CABCOCO1: variants seen among roughly 807,000 people sequenced by gnomAD.
The protein encoded by CABCOCO1 is ciliary-associated calcium-binding coiled-coil protein 1.
In CABCOCO1, 28 loss-of-function variants were observed where a neutral mutation model predicts 35.7. That is an observed-to-expected ratio of 0.78 (90% CI 0.58 to 1.07). CABCOCO1 has a LOEUF of 1.07. CABCOCO1 is among the 50% of genes least tolerant of loss of function. CABCOCO1 has a pLI of 0.00. For synonymous variants in CABCOCO1, 95 were observed against 100.1 expected, an observed-to-expected ratio of 0.95 and a Z score of 0.30; for missense variants, 326 against 309.2, an observed-to-expected ratio of 1.05 and a Z score of -0.41.
At chr10:61,672,272 C>G (rs1839383615) in intron 1 of CABCOCO1, among the ~76,000 whole-genome samples, 1 of 152,168 alleles carries the variant, frequency 6.6e-6, no homozygotes, top group Admixed American at 6.5e-5. Context: ...TCAACCTAGG[C>G]TTGCTCCTCT....
intron 5 of CABCOCO1, among the ~76,000 whole-genome samples, chr10:61,734,924 A>T (rs1841382869): frequency 6.6e-6 from 1 of 152,132 alleles, no homozygotes; most frequent in South Asian, 2.1e-4. Flanking sequence ...TTAGATAAGA[A>T]ACATAACTGA....
At chr10:61,730,300 C>T (rs1042004733) in intron 5 of CABCOCO1, among the ~76,000 whole-genome samples, 2 of 151,972 alleles carry the variant, frequency 1.3e-5, no homozygotes, top group African/African-American at 4.8e-5. Context: ...GCCCAAAAGA[C>T]ACAGATCCAG....
intron 5 of CABCOCO1, among the ~76,000 whole-genome samples, chr10:61,693,833 A>G (rs1230842610): frequency 6.6e-6 from 1 of 151,986 alleles, no homozygotes; most frequent in African/African-American, 2.4e-5. Flanking sequence ...TATAGGGCAG[A>G]AGACATGGAA....
intron 5 of CABCOCO1, among the ~76,000 whole-genome samples, chr10:61,739,803 A>T (rs1315913252): frequency 1.3e-5 from 2 of 152,080 alleles, no homozygotes; most frequent in Non-Finnish European, 2.9e-5. Flanking sequence ...TTAGCCAGGC[A>T]TGGTGGCACG....
chr10:61,756,118 G>C (rs567748033), intron 5 of CABCOCO1, among the ~76,000 whole-genome samples: 1 of 151,864 alleles, frequency 6.6e-6, no homozygotes, highest in Non-Finnish European at 1.5e-5. Context: ...TCATACTGAC[G>C]AGTATTAAAT....
At position 61,726,402 on chromosome 10, in the gene CABCOCO1, C is replaced by T. The variant is rs1023787772; in HGVS notation, c.553-33657C>T. 3.3e-5 allele frequency among the ~76,000 whole-genome samples: 5 copies of T among 151,974 alleles called. No individual in the cohort carries two copies. The East Asian group carries it at 9.6e-4, about 29-fold the overall frequency. Reference sequence around the variant, plus strand: ...ACTATCTTATTTATTAAAATAAATACATATATAATATTAAGTGTCACAATA... The same window carrying T: ...ACTATCTTATTTATTAAAATAAATATATATATAATATTAAGTGTCACAATA... On this transcript the variant is annotated intron_variant, in intron 5 of 7. Coordinates refer to ENST00000648843, the MANE Select transcript of CABCOCO1 (RefSeq NM_001366906.2).
At chr10:61,731,433 A>T (rs1054948239) in intron 5 of CABCOCO1, among the ~76,000 whole-genome samples, 1 of 151,922 alleles carries the variant, frequency 6.6e-6, no homozygotes, top group Non-Finnish European at 1.5e-5. Flanking sequence ...TCACCTGAAG[A>T]TGAAACCCAC....
At position 61,760,985 on chromosome 10, in the gene CABCOCO1, C is replaced by T. The variant is rs1357342838; in HGVS notation, c.798C>T (p.Asp266=). 3.1e-6 allele frequency: 5 copies of T among 1,612,232 alleles called. No homozygotes were observed. Among genetic ancestry groups the T allele is most frequent in the Non-Finnish European group, 1.7e-6 (2 of 1,178,956 alleles). ...VKSVLDQVTD[D]ILIGIQTEIN... is the part of the protein sequence containing the mutation. ...CAGTGCTGGATCAAGTCACAGATGA[C>T]ATTTTAATCGGCATTCAGGTACTCA... Residue 266 remains aspartate (D), a synonymous_variant, in exon 7 of 8, where the codon GAC becomes GAT. Coordinates refer to ENST00000648843, the MANE Select transcript of CABCOCO1 (RefSeq NM_001366906.2).
At chr10:61,708,582 G>C (rs1840650225) in intron 5 of CABCOCO1, among the ~76,000 whole-genome samples, 1 of 152,072 alleles carries the variant, frequency 6.6e-6, no homozygotes, top group South Asian at 2.1e-4. Flanking sequence ...TTCTTACTGT[G>C]TCCTCACTTG....
intron 5 of CABCOCO1, among the ~76,000 whole-genome samples, chr10:61,724,302 G>A (rs760496172): frequency 5.3e-5 from 8 of 152,066 alleles, no homozygotes; most frequent in Non-Finnish European, 8.8e-5. Flanking sequence ...TCTCCATTCA[G>A]GATATGTAGA....
chr10:61,682,535 T>C (rs1839825710), intron 3 of CABCOCO1, among the ~76,000 whole-genome samples: 1 of 152,216 alleles, frequency 6.6e-6, no homozygotes, highest in Non-Finnish European at 1.5e-5. Context: ...CCCCCTGGTG[T>C]ATGATGTGAA....
At chr10:61,745,284 G>T (rs1841631690) in intron 5 of CABCOCO1, among the ~76,000 whole-genome samples, 1 of 152,102 alleles carries the variant, frequency 6.6e-6, no homozygotes, top group Non-Finnish European at 1.5e-5. Context: ...CCAGAGCCAA[G>T]TTTATTTTGA....
At chr10:61,677,791 C>T (rs1048455660) in intron 2 of CABCOCO1, among the ~76,000 whole-genome samples, 3 of 131,882 alleles carry the variant, frequency 2.3e-5, no homozygotes, top group Non-Finnish European at 4.7e-5. Flanking sequence ...TGAGAACATG[C>T]GGTGTTTGGT....
intron 1 of CABCOCO1, among the ~76,000 whole-genome samples, chr10:61,669,891 C>A (rs954517400): frequency 1.3e-5 from 2 of 151,942 alleles, no homozygotes; most frequent in Non-Finnish European, 2.9e-5. Context: ...TGACAGTAAT[C>A]TTGTGTGTAT....
intron 5 of CABCOCO1, among the ~76,000 whole-genome samples, chr10:61,695,827 T>C (rs995366681): frequency 6.6e-6 from 1 of 151,906 alleles, no homozygotes; most frequent in Non-Finnish European, 1.5e-5. Context: ...AACAGAAACA[T>C]GGGCAAAGAA....
intron 5 of CABCOCO1, among the ~76,000 whole-genome samples, chr10:61,696,633 G>A (rs1233633685): frequency 6.6e-6 from 1 of 151,946 alleles, no homozygotes; most frequent in African/African-American, 2.4e-5. Context: ...ATGTAGCTGG[G>A]ACTACAGACA....
Position 61,749,962 on chromosome 10 carries a change from G to A in CABCOCO1, c.553-10097G>A, listed in dbSNP as rs554415796. On this transcript the variant is annotated intron_variant, in intron 5 of 7. Coordinates refer to ENST00000648843, the MANE Select transcript of CABCOCO1 (RefSeq NM_001366906.2). ...AACACAGAGTAAGTTCTCAATAAAT[G>A]AGAGCTGCTTTTTTTTTTTTTCATC... Among the ~76,000 whole-genome samples the A allele has an allele frequency of 5.4e-5, 6 of 111,102 alleles. No homozygotes were observed. In the East Asian group the frequency reaches 1.6e-3, roughly 30 times the overall value. 72.9% of individuals were successfully genotyped at this position (111,102 alleles called of 152,430 possible).
chr10:61,749,334 A>G (rs1841732012), intron 5 of CABCOCO1, among the ~76,000 whole-genome samples: 1 of 152,226 alleles, frequency 6.6e-6, no homozygotes, highest in African/African-American at 2.4e-5. Flanking sequence ...GCCTGTTCCT[A>G]GAGAAAACTG....
Position 61,743,517 on chromosome 10 carries a change from A to G in CABCOCO1, c.553-16542A>G, listed in dbSNP as rs145180988. On this transcript the variant is annotated intron_variant, in intron 5 of 7. Transcript: ENST00000648843. The stretch of plus-strand genomic sequence containing the variant: ...AATTGACTCTACCAATTGGTTTACT[A>G]TCAATCAGCCGGTCATTTGTCCCAT... 2.6e-3 allele frequency among the ~76,000 whole-genome samples: 393 copies of G among 152,222 alleles called. 5 individuals carry two copies. Among genetic ancestry groups the G allele is most frequent in the African/African-American group, 8.7e-3 (363 of 41,548 alleles).
Sources: allele counts gnomAD v4.1 joint callset (sites outside exome capture counted in the v4.1 genomes callset), GRCh38; gene constraint gnomAD v4.1.1; transcripts MANE v1.5; gene names NCBI Gene and HGNC (gene_info 2026-07-23, HGNC 2026-07-21).